Variants in SAMD3 observed in about 807,000 individuals in gnomAD.
SAMD3 encodes the protein sterile alpha motif domain-containing protein 3.
SAMD3 carries 63 observed loss-of-function variants against 58.5 expected under a neutral mutation model. The ratio of observed to expected loss-of-function variants is 1.08; its 90% CI spans 0.88 to 1.33. SAMD3 has a LOEUF of 1.33. SAMD3 is among the 40% of genes most tolerant of loss of function. The probability of loss-of-function intolerance (pLI) is 0.00; values close to 1 mark genes in which losing one functional copy is unlikely to be tolerated. For missense variants in SAMD3, 604 were observed against 608.4 expected, an observed-to-expected ratio of 0.99 and a Z score of 0.08; for synonymous variants, 220 against 210.3, an observed-to-expected ratio of 1.05 and a Z score of -0.40.
chr6:130,152,676 CAAT>C, intron 9 of SAMD3, among the ~76,000 whole-genome samples: 1 of 151,814 alleles, frequency 6.6e-6, no homozygotes, highest in Non-Finnish European at 1.5e-5. Context: ...GACTCTGTCT[CAAT>C]AAATAAATAA....
At chr6:130,262,150 C>G (rs1426101477) in intron 2 of SAMD3, among the ~76,000 whole-genome samples, 1 of 152,016 alleles carries the variant, frequency 6.6e-6, no homozygotes, top group Non-Finnish European at 1.5e-5. Flanking sequence ...CTTCGTAAGC[C>G]TATAACACTC....
At chr6:130,292,271 C>CTTTT (rs397885432) in intron 2 of SAMD3, among the ~76,000 whole-genome samples, 47 of 114,054 alleles carry the variant, frequency 4.1e-4, no homozygotes, top group African/African-American at 9.5e-4. Flanking sequence ...TTCTTTCTTT[C>CTTTT]TTTTTTTTTT....
upstream of SAMD3, chr6:130,365,592 G>A: frequency 1.0e-6 from 1 of 985,448 alleles, no homozygotes; most frequent in Non-Finnish European, 1.2e-6. Flanking sequence ...CAGCCGCTCC[G>A]GAGAACTGGG....
At chr6:130,194,625 A>C (rs1285888121) in intron 5 of SAMD3, among the ~76,000 whole-genome samples, 1 of 152,220 alleles carries the variant, frequency 6.6e-6, no homozygotes, top group Non-Finnish European at 1.5e-5. Context: ...CAAGTGCCAG[A>C]AATCTGGCCA....
At chr6:130,189,755 G>A (rs1382545536) in intron 5 of SAMD3, among the ~76,000 whole-genome samples, 2 of 152,220 alleles carry the variant, frequency 1.3e-5, no homozygotes, top group Non-Finnish European at 1.5e-5. Context: ...TGGACCAGCT[G>A]TCTCAGAAAC....
At chr6:130,320,776 T>C (rs941241997) in intron 1 of SAMD3, among the ~76,000 whole-genome samples, 2 of 152,236 alleles carry the variant, frequency 1.3e-5, no homozygotes, top group Admixed American at 6.5e-5. Flanking sequence ...TTATATAAAA[T>C]TCTTAAAATT....
At chr6:130,365,664 G>C, upstream of SAMD3, 1 of 985,514 alleles carries the variant, frequency 1.0e-6, no homozygotes, top group Non-Finnish European at 1.2e-6. Flanking sequence ...GGCCCCACGG[G>C]TGGGTGTGTC....
intron 1 of SAMD3, among the ~76,000 whole-genome samples, chr6:130,324,087 T>C (rs1776676961): frequency 6.6e-6 from 1 of 152,176 alleles, no homozygotes; most frequent in Non-Finnish European, 1.5e-5. Flanking sequence ...AATAGAACAC[T>C]TTAAATTTAA....
At chr6:130,341,116 G>A (rs1413595764) in intron 1 of SAMD3, among the ~76,000 whole-genome samples, 1 of 149,454 alleles carries the variant, frequency 6.7e-6, no homozygotes, top group African/African-American at 2.5e-5. Context: ...TGTATTGTTT[G>A]AGTTTGCTGT....
intron 2 of SAMD3, among the ~76,000 whole-genome samples, chr6:130,249,103 G>A (rs1773653201): frequency 1.3e-5 from 2 of 152,258 alleles, no homozygotes; most frequent in African/African-American, 4.8e-5. Context: ...AGGACCAGTG[G>A]CATGCCCCAT....
intron 2 of SAMD3, among the ~76,000 whole-genome samples, chr6:130,304,926 CTTTTTTTT>C (rs777084920): frequency 1.9e-5 from 2 of 103,376 alleles, no homozygotes; most frequent in South Asian, 6.6e-4. Flanking sequence ...CATTTTCTTC[CTTTTTTTT>C]TTTTTTTTTT....
chr6:130,295,878 A>G (rs1390664479), intron 2 of SAMD3, among the ~76,000 whole-genome samples: 1 of 152,210 alleles, frequency 6.6e-6, no homozygotes, highest in Non-Finnish European at 1.5e-5. Context: ...AATAGTAAAA[A>G]TGGCAAGTTT....
intron 4 of SAMD3, among the ~76,000 whole-genome samples, chr6:130,212,049 G>A (rs986420550): frequency 2.6e-5 from 4 of 151,736 alleles, no homozygotes; most frequent in Non-Finnish European, 4.4e-5. Flanking sequence ...AATATCATAA[G>A]AGGGGGTTAA....
At chr6:130,152,353 GGAA>G (rs1216427528) in intron 9 of SAMD3, among the ~76,000 whole-genome samples, 4 of 152,214 alleles carry the variant, frequency 2.6e-5, no homozygotes, top group Middle Eastern at 3.4e-3. Flanking sequence ...GGTACTTCCT[GGAA>G]AAACCGAAAA....
chr6:130,316,488 TA>T (rs924177199), intron 1 of SAMD3, among the ~76,000 whole-genome samples: 2 of 151,988 alleles, frequency 1.3e-5, no homozygotes, highest in African/African-American at 4.8e-5. Flanking sequence ...TTTTTATAAT[TA>T]AAAAATAATA....
At chr6:130,226,080 G>A (rs561145480), upstream of SAMD3, among the ~76,000 whole-genome samples, 31 of 152,266 alleles carry the variant, frequency 2.0e-4, no homozygotes, top group Admixed American at 1.5e-3. Context: ...GGACAGCGCC[G>A]CTTTTCCCAG....
At chr6:130,352,767 T>C (rs1424565909) in intron 1 of SAMD3, among the ~76,000 whole-genome samples, 2 of 152,202 alleles carry the variant, frequency 1.3e-5, no homozygotes, top group Non-Finnish European at 2.9e-5. Context: ...AGAAAACATA[T>C]ACTGCTCTGG....
Position 130,146,001 on chromosome 6 carries a change from T to C in SAMD3, c.1195+9A>G. 1.4e-6 allele frequency: 2 copies of C among 1,473,704 alleles called. No homozygotes were observed. Among genetic ancestry groups the C allele is most frequent in the Non-Finnish European group, 9.0e-7 (1 of 1,108,652 alleles). 91.3% of individuals were successfully genotyped at this position (1,473,704 alleles called of 1,614,324 possible). On this transcript the variant is annotated intron_variant, in intron 10 of 11. Coordinates refer to ENST00000439090, the MANE Select transcript of SAMD3 (RefSeq NM_001017373.4). ...GATGAAATCACACCACTCCATAAGGTTTACTAACATTTCAACATGTCTTCA... is the reference window on the plus strand; with the variant it reads ...GATGAAATCACACCACTCCATAAGGCTTACTAACATTTCAACATGTCTTCA...
chr6:130,348,673 A>G (rs976923842), intron 1 of SAMD3, among the ~76,000 whole-genome samples: 4 of 152,210 alleles, frequency 2.6e-5, no homozygotes, highest in African/African-American at 7.2e-5. Flanking sequence ...AATCAACGAG[A>G]CAGAAAGTTA....
Sources: allele counts gnomAD v4.1 joint callset (sites outside exome capture counted in the v4.1 genomes callset), GRCh38; gene constraint gnomAD v4.1.1; transcripts MANE v1.5; gene names NCBI Gene and HGNC (gene_info 2026-07-23, HGNC 2026-07-21).